MYO1B: variants seen among roughly 807,000 people sequenced by gnomAD.
MYO1B encodes unconventional myosin-Ib.
A neutral mutation model predicts 159.7 loss-of-function variants in MYO1B; 72 were observed. That is an observed-to-expected ratio of 0.45 (90% CI 0.37 to 0.55). The LOEUF (loss-of-function observed/expected upper bound fraction) is 0.55, where lower values mean the gene tolerates loss of function less well. Among genes scored for constraint, MYO1B ranks in the 20% least tolerant of loss-of-function variants. The pLI is 0.00. For synonymous variants in MYO1B, 468 were observed against 473.8 expected (o/e 0.99, Z 0.16); for missense variants, 1,062 against 1,364.8 (o/e 0.78, Z 3.50).
At chr2:191,266,908 C>G (rs575254230) in intron 1 of MYO1B, among the ~76,000 whole-genome samples, 1 of 152,190 alleles carries the variant, frequency 6.6e-6, no homozygotes, top group Non-Finnish European at 1.5e-5. Context: ...ACTTTTTTCC[C>G]TCTCGTCAGT....
In MYO1B at chr2:191,390,455, T is replaced by C. The variant is rs764400087; in HGVS notation, c.1945T>C (p.Cys649Arg). Residue 649 changes from cysteine to arginine, a missense_variant, in exon 18 of 31, where the codon TGT (cysteine) becomes CGT (arginine). Around this residue, in one of 5 missense-constraint regions of MYO1B, gnomAD observed 609 missense variants for 744.4 expected, o/e 0.82. Coordinates refer to ENST00000392318, the MANE Select transcript of MYO1B (RefSeq NM_001130158.3). ...TTGCCTAGAAAGATACAAAATGCTT[T>C]GTAAACAAACATGGCCTCATTGGAA... The part of the protein sequence containing the change: ...EPCLERYKML[C>R]KQTWPHWKGP... The C allele has an allele frequency of 6.2e-7, 1 of 1,614,218 alleles. No individual in the cohort carries two copies. The highest frequency in any genetic ancestry group is 1.1e-5 in the South Asian group (1 of 91,086).
At chr2:191,347,241 T>G (rs550282397) in intron 6 of MYO1B, among the ~76,000 whole-genome samples, 1 of 152,302 alleles carries the variant, frequency 6.6e-6, no homozygotes, top group East Asian at 1.9e-4. Context: ...AGGGAGATAG[T>G]TTTGATAGTT....
intron 30 of MYO1B, among the ~76,000 whole-genome samples, chr2:191,419,359 C>T (rs1463452098): frequency 6.6e-6 from 1 of 152,018 alleles, no homozygotes; most frequent in Non-Finnish European, 1.5e-5. Flanking sequence ...GCTGGGACTA[C>T]AGCTGCCCGC....
intron 14 of MYO1B, 52 bp downstream of exon 14, chr2:191,381,618 A>G (rs757884836): frequency 1.3e-5 from 17 of 1,279,994 alleles, no homozygotes; most frequent in South Asian, 2.5e-5. Flanking sequence ...TACTCGTAAT[A>G]TAAATTCTAA....
chr2:191,326,762 TTG>T (rs1446087640), intron 3 of MYO1B, among the ~76,000 whole-genome samples: 2 of 131,886 alleles, frequency 1.5e-5, no homozygotes, highest in African/African-American at 6.1e-5. Flanking sequence ...AGCCTTGTGT[TTG>T]TATATATGTG....
At chr2:191,414,289 A>T (rs183999942) in intron 28 of MYO1B, 109 bp downstream of exon 28, 5 of 1,367,724 alleles carry the variant, frequency 3.7e-6, no homozygotes, top group Non-Finnish European at 4.9e-6. Flanking sequence ...AGAGTTAACT[A>T]TGAAGGCGGC....
At chr2:191,355,449 G>C (rs1032470724) in intron 7 of MYO1B, among the ~76,000 whole-genome samples, 1 of 152,226 alleles carries the variant, frequency 6.6e-6, no homozygotes, top group Non-Finnish European at 1.5e-5. Flanking sequence ...TGTAAAATAG[G>C]CACAAGAATC....
At chr2:191,415,749 C>T (rs1317402305) in intron 29 of MYO1B, among the ~76,000 whole-genome samples, 2 of 152,060 alleles carry the variant, frequency 1.3e-5, no homozygotes, top group Non-Finnish European at 1.5e-5. Context: ...AGAAGAGTTG[C>T]GGGATAGGTC....
chr2:191,306,231 G>A (rs536419976), intron 3 of MYO1B, among the ~76,000 whole-genome samples: 2 of 152,232 alleles, frequency 1.3e-5, no homozygotes, highest in Admixed American at 1.3e-4. Flanking sequence ...CAGTATCATC[G>A]TCTAGGGGTA....
chr2:191,377,445 G>A (rs552814712), intron 13 of MYO1B: 1 of 152,122 alleles, frequency 6.6e-6, no homozygotes, highest in Non-Finnish European at 1.5e-5. Flanking sequence ...TCCTCTTCTG[G>A]AGACTTTGAT....
intron 11 of MYO1B, among the ~76,000 whole-genome samples, chr2:191,366,189 G>C (rs1179876566): frequency 6.6e-6 from 1 of 152,060 alleles, no homozygotes; most frequent in Non-Finnish European, 1.5e-5. Flanking sequence ...GTATATTTTG[G>C]GTCTTTTTAA....
At chr2:191,378,782 G>A (rs562366955) in intron 13 of MYO1B, among the ~76,000 whole-genome samples, 14 of 152,238 alleles carry the variant, frequency 9.2e-5, no homozygotes, top group African/African-American at 3.4e-4. Flanking sequence ...TGCTTCAAGC[G>A]GGATTGGGGC....
chr2:191,411,018 T>C, intron 26 of MYO1B, 48 bp from the exon 27 acceptor site: 1 of 1,091,842 alleles, frequency 9.2e-7, no homozygotes, highest in Non-Finnish European at 1.4e-6. Context: ...TGAGTAATAA[T>C]TTATTTATAT....
chr2:191,400,940 C>T, intron 23 of MYO1B, 105 bp downstream of exon 23: 7 of 1,083,592 alleles, frequency 6.5e-6, no homozygotes, highest in Non-Finnish European at 9.4e-6. Context: ...TAGTGGCTCA[C>T]ACTGGTGCAT....
Position 191,363,731 on chromosome 2 carries a change from G to T in MYO1B, c.769G>T (p.Ala257Ser). The change falls in exon 10 of 31, where the codon GCC (alanine) becomes TCC (serine). Residue 257 changes from alanine to serine, a missense_variant. Ala to Ser is a moderately conservative substitution (Grantham distance 99). Coordinates refer to ENST00000392318, the MANE Select transcript of MYO1B (RefSeq NM_001130158.3). ...DAANFRTVRN[A>S]MQIVGFMDHE... is the part of the protein sequence containing the mutation. The stretch of plus-strand genomic sequence containing the variant: ...GCTTTTTTTTTTCTCTCCCCAGAAT[G>T]CCATGCAGATTGTGGGCTTTATGGA... 6.2e-7 allele frequency: 1 copy of T among 1,603,352 alleles called. No homozygotes were observed. The highest frequency in any genetic ancestry group is 1.1e-5 in the South Asian group (1 of 87,742).
At chr2:191,304,903 T>C (rs781347726) in intron 3 of MYO1B, among the ~76,000 whole-genome samples, 9 of 152,264 alleles carry the variant, frequency 5.9e-5, no homozygotes, top group Non-Finnish European at 1.0e-4. Context: ...GCCAAGCCTA[T>C]GTTCACACCG....
At chr2:191,316,693 A>G (rs1471703971) in intron 3 of MYO1B, among the ~76,000 whole-genome samples, 3 of 152,038 alleles carry the variant, frequency 2.0e-5, no homozygotes, top group Non-Finnish European at 4.4e-5. Context: ...ATCTCTGTAG[A>G]TTTTCTTCTC....
chr2:191,370,905 A>G (rs986090431), intron 13 of MYO1B: 1 of 152,274 alleles, frequency 6.6e-6, no homozygotes. Context: ...AAATGATTCT[A>G]TGCTTGTTAC....
intron 18 of MYO1B, 66 bp downstream of exon 18, chr2:191,390,558 TC>T: frequency 6.7e-7 from 1 of 1,499,342 alleles, no homozygotes; most frequent in Non-Finnish European, 9.0e-7. Flanking sequence ...CGGTGTTTTT[TC>T]ACATGCTGTT....
Sources: allele counts gnomAD v4.1 joint callset (sites outside exome capture counted in the v4.1 genomes callset), GRCh38; gene constraint gnomAD v4.1.1; regional missense constraint gnomAD v4.1.1; transcripts MANE v1.5; gene names NCBI Gene and HGNC (gene_info 2026-07-23, HGNC 2026-07-21).